MORC1: variants seen among roughly 807,000 people sequenced by gnomAD.
The protein encoded by MORC1 is MORC family CW-type zinc finger 1.
MORC1 carries 59 observed loss-of-function variants against 134.9 expected under a neutral mutation model. That is an observed-to-expected ratio of 0.44 (90% CI 0.35 to 0.54). The LOEUF (loss-of-function observed/expected upper bound fraction) is 0.54. MORC1 is among the 20% of genes least tolerant of loss of function. The probability of loss-of-function intolerance (pLI) is 0.00; values close to 1 mark genes in which losing one functional copy is unlikely to be tolerated. For synonymous variants in MORC1, 395 were observed against 391.7 expected, an observed-to-expected ratio of 1.01 and a Z score of -0.10; for missense variants, 947 against 1,134.5, an observed-to-expected ratio of 0.83 and a Z score of 2.37.
intron 14 of MORC1, among the ~76,000 whole-genome samples, chr3:109,036,102 A>G (rs980501238): frequency 2.6e-5 from 4 of 152,148 alleles, no homozygotes; most frequent in Non-Finnish European, 5.9e-5. Context: ...GTTGCCATGT[A>G]TATTATAGCA....
At chr3:108,986,033 C>T (rs996532445) in intron 22 of MORC1, among the ~76,000 whole-genome samples, 2 of 151,942 alleles carry the variant, frequency 1.3e-5, no homozygotes, top group Non-Finnish European at 2.9e-5. Flanking sequence ...GAAGGAAAAA[C>T]GTGCCACCAA....
At chr3:109,109,156 T>C (rs1951105717) in intron 3 of MORC1, among the ~76,000 whole-genome samples, 1 of 152,138 alleles carries the variant, frequency 6.6e-6, no homozygotes, top group East Asian at 1.9e-4. Flanking sequence ...GAAACCCTCT[T>C]AGACCACCCA....
intron 25 of MORC1, among the ~76,000 whole-genome samples, chr3:108,970,147 G>A (rs138474034): frequency 6.6e-6 from 1 of 152,042 alleles, no homozygotes; most frequent in Non-Finnish European, 1.5e-5. Context: ...ATTAGACGAG[G>A]TTACCTAGAA....
intron 26 of MORC1, among the ~76,000 whole-genome samples, chr3:108,968,439 T>C (rs1345230182): frequency 2.0e-5 from 3 of 152,180 alleles, no homozygotes; most frequent in African/African-American, 7.2e-5. Context: ...AGAAGGAATA[T>C]GGTTTAGGTT....
intron 8 of MORC1, among the ~76,000 whole-genome samples, chr3:109,093,015 G>T (rs1290814564): frequency 6.6e-6 from 1 of 151,994 alleles, no homozygotes; most frequent in Non-Finnish European, 1.5e-5. Context: ...CATTTTTAAT[G>T]ATCTGTAATG....
Position 109,069,615 on chromosome 3 carries a change from G to A in MORC1, c.815+17C>T, listed in dbSNP as rs765186000. 4 of 1,551,640 alleles carry A rather than the reference G, an allele frequency of 2.6e-6. No individual in the cohort carries two copies. The highest frequency in any genetic ancestry group is 1.2e-5 in the South Asian group (1 of 81,100). On this transcript the variant is annotated intron_variant, in intron 9 of 27. Coordinates refer to ENST00000232603, the MANE Select transcript of MORC1 (RefSeq NM_014429.4). ...AAATAAAAACTCTGTGAAGATAACT[G>A]AAGAAAGATGAGTTACCTGGGTCTG... is the stretch of plus-strand genomic sequence containing the variant.
At chr3:108,971,074 G>C (rs1252689106) in intron 25 of MORC1, among the ~76,000 whole-genome samples, 1 of 152,168 alleles carries the variant, frequency 6.6e-6, no homozygotes, top group African/African-American at 2.4e-5. Flanking sequence ...GGGGGAGAGA[G>C]AAGTCAGGGA....
intron 22 of MORC1, among the ~76,000 whole-genome samples, 186 bp downstream of exon 22, chr3:108,986,694 A>G (rs1015198963): frequency 2.6e-5 from 4 of 152,128 alleles, no homozygotes; most frequent in Non-Finnish European, 5.9e-5. Context: ...CTGCCCCGTC[A>G]AAACACACAA....
chr3:108,965,763 G>C (rs751291459), intron 26 of MORC1, among the ~76,000 whole-genome samples: 4 of 152,020 alleles, frequency 2.6e-5, no homozygotes, highest in Non-Finnish European at 5.9e-5. Context: ...GGACCTCTCT[G>C]TACTATTTTT....
intron 24 of MORC1, among the ~76,000 whole-genome samples, chr3:108,976,877 T>C (rs866428102): frequency 5.3e-5 from 8 of 152,266 alleles, no homozygotes; most frequent in Middle Eastern, 6.8e-3. Flanking sequence ...TTTAAAGTCT[T>C]AGTACACTCA....
chr3:109,007,212 A>C (rs1948561366), intron 17 of MORC1, 121 bp from the exon 18 acceptor site: 1 of 690,904 alleles, frequency 1.4e-6, no homozygotes, highest in Non-Finnish European at 2.4e-6. Context: ...ACCCTCATGA[A>C]TAATTGTTCA....
intron 17 of MORC1, among the ~76,000 whole-genome samples, chr3:109,026,918 T>C (rs1436596871): frequency 6.6e-6 from 1 of 152,202 alleles, no homozygotes. Flanking sequence ...GTATCTGACT[T>C]GCACTGCAGA....
chr3:109,075,688 T>G (rs1403403611), intron 8 of MORC1, among the ~76,000 whole-genome samples: 1 of 152,176 alleles, frequency 6.6e-6, no homozygotes, highest in Non-Finnish European at 1.5e-5. Context: ...ACCATGCTGT[T>G]TTGGTTACTG....
chr3:109,015,027 A>T (rs933796103), intron 17 of MORC1, among the ~76,000 whole-genome samples: 5 of 152,110 alleles, frequency 3.3e-5, no homozygotes, highest in African/African-American at 1.2e-4. Flanking sequence ...CTGGGGTTAC[A>T]GGCACCTGCC....
chr3:109,108,474 G>A (rs1003825872), intron 3 of MORC1, among the ~76,000 whole-genome samples: 4 of 152,088 alleles, frequency 2.6e-5, no homozygotes, highest in African/African-American at 4.8e-5. Flanking sequence ...TAGTACTACT[G>A]CCCTATTATA....
chr3:109,000,704 C>T (rs747981351), intron 20 of MORC1, 46 bp from the exon 21 acceptor site: 2 of 1,388,594 alleles, frequency 1.4e-6, no homozygotes, highest in East Asian at 2.3e-5. Context: ...TAGTGGCAAT[C>T]AATGGTACAT....
intron 3 of MORC1, among the ~76,000 whole-genome samples, chr3:109,105,509 C>T (rs1053300711): frequency 1.3e-5 from 2 of 149,894 alleles, no homozygotes; most frequent in Admixed American, 6.6e-5. Context: ...GGCGACAGAG[C>T]GAAACTCCAT....
At chr3:109,005,949 C>T (rs902193538) in intron 18 of MORC1, among the ~76,000 whole-genome samples, 5 of 152,184 alleles carry the variant, frequency 3.3e-5, no homozygotes, top group Non-Finnish European at 5.9e-5. Flanking sequence ...TTTTCCTTCA[C>T]ATAAACCACC....
chr3:108,972,818 T>C (rs1247228127), intron 24 of MORC1, among the ~76,000 whole-genome samples: 1 of 152,186 alleles, frequency 6.6e-6, no homozygotes, highest in Admixed American at 6.5e-5. Context: ...GTTCTTTCCA[T>C]TGTGAGTATA....
Sources: gnomAD v4.1 joint callset for allele counts (sites outside exome capture counted in the v4.1 genomes callset) on GRCh38, gnomAD v4.1.1 for gene constraint, MANE v1.5 for transcripts, NCBI Gene and HGNC (gene_info 2026-07-23, HGNC 2026-07-21) for gene names.